PCDHGA7: variants seen among roughly 807,000 people sequenced by gnomAD.
PCDHGA7 encodes the protein protocadherin gamma subfamily A, 7, also known as protocadherin gamma-A7.
PCDHGA7 carries 44 observed loss-of-function variants against 58.3 expected under a neutral mutation model. The ratio of observed to expected loss-of-function variants is 0.75; its 90% CI spans 0.59 to 0.97. The LOEUF (loss-of-function observed/expected upper bound fraction) is 0.97, where lower values mean the gene tolerates loss of function less well. Among genes scored for constraint, PCDHGA7 ranks in the 50% least tolerant of loss-of-function variants. The pLI, the probability that PCDHGA7 is intolerant of heterozygous loss-of-function variation, is 0.00. For synonymous variants in PCDHGA7, 516 were observed against 504.2 expected, an observed-to-expected ratio of 1.02 and a Z score of -0.31; for missense variants, 1,266 against 1,188.7, an observed-to-expected ratio of 1.06 and a Z score of -0.96.
chr5:141,472,335 A>T (rs1033984936), intron 1 of PCDHGA7, among the ~76,000 whole-genome samples: 38 of 151,784 alleles, frequency 2.5e-4, no homozygotes, highest in Non-Finnish European at 2.5e-4. Context: ...AGGTTGGGAG[A>T]TCGAGACCAT....
intron 2 of PCDHGA7, among the ~76,000 whole-genome samples, chr5:141,502,496 C>T (rs934563545): frequency 2.0e-5 from 3 of 152,178 alleles, no homozygotes; most frequent in Admixed American, 6.5e-5. Context: ...ACTCATCTAA[C>T]GTCGGCCTGT....
rs2233610 is a variant in PCDHGA7, at chr5:141,505,535, G to A, written c.2572+54G>A. ...AGTGGGAGACCTGGGGTTCTGGGGT[G>A]CATCTCACAGCCACCATGCCCACGG... is the stretch of plus-strand genomic sequence containing the variant. On this transcript the variant is annotated intron_variant, in intron 3 of 3. Transcript: ENST00000518325. 12 of 1,610,344 alleles carry A rather than the reference G, an allele frequency of 7.5e-6. No individual in the cohort carries two copies. The East Asian group carries it at 1.8e-4, about 24-fold the overall frequency.
At chr5:141,462,980 G>T (rs1249102130) in intron 1 of PCDHGA7, among the ~76,000 whole-genome samples, 1 of 152,006 alleles carries the variant, frequency 6.6e-6, no homozygotes, top group Non-Finnish European at 1.5e-5. Flanking sequence ...AGTAACTTTT[G>T]CCTTGGGCTA....
intron 1 of PCDHGA7, chr5:141,424,584 C>T (rs919265310): frequency 3.9e-5 from 6 of 152,082 alleles, no homozygotes; most frequent in African/African-American, 1.4e-4. Flanking sequence ...TTCAAATGTG[C>T]TAAAGATGTC....
At position 141,384,804 on chromosome 5, in the gene PCDHGA7, A is replaced by C. The variant is rs1780531756; in HGVS notation, c.1905A>C (p.Arg635Ser). ...GCACGGCTCGGGCCCTGCTGGACAG[A>C]GATGCCCTCAAGCAGAGCCTCGTGG... ...EVRTARALLD[R>S]DALKQSLVVA... Residue 635 changes from arginine (R) to serine (S), a missense_variant, in exon 1 of 4, where the codon AGA (arginine) becomes AGC (serine). Transcript: ENST00000518325. 6.2e-7 allele frequency: 1 copy of C among 1,613,332 alleles called. No individual in the cohort carries two copies. The highest frequency in any genetic ancestry group is 8.5e-7 in the Non-Finnish European group (1 of 1,179,896).
At chr5:141,427,599 C>G (rs1233253295) in intron 1 of PCDHGA7, 1 of 682,980 alleles carries the variant, frequency 1.5e-6, no homozygotes, top group African/African-American at 1.8e-5. Flanking sequence ...CCTCACCCTA[C>G]GCATTGGTGA....
Position 141,490,760 on chromosome 5 carries a change from T to G in PCDHGA7, c.2425-4047T>G. 1 of 1,614,070 alleles carries G rather than the reference T, an allele frequency of 6.2e-7. No individual in the cohort carries two copies. On this transcript the variant is annotated intron_variant, in intron 1 of 3. Coordinates refer to ENST00000518325, the MANE Select transcript of PCDHGA7 (RefSeq NM_018920.4). This position sits in a 1 kb window ranked among gnomAD's most constrained non-coding sequence, Gnocchi z 5.4. Reference sequence around the variant, plus strand: ...CAGGGAGCCCCAGCCTCCTCCTTTGTGTATGTCAACCCAGAGGATGGACGG... The same window carrying G: ...CAGGGAGCCCCAGCCTCCTCCTTTGGGTATGTCAACCCAGAGGATGGACGG...
intron 1 of PCDHGA7, chr5:141,424,079 C>A: frequency 3.1e-6 from 3 of 973,190 alleles, no homozygotes; most frequent in African/African-American, 1.8e-5. Context: ...TAGTTATATT[C>A]CACCATTATT....
At chr5:141,393,377 AGC>A (rs1313389663) in intron 1 of PCDHGA7, 1 of 1,613,966 alleles carries the variant, frequency 6.2e-7, no homozygotes, top group Admixed American at 1.7e-5. Context: ...GAGACAATGG[AGC>A]CATAAACCCA....
intron 1 of PCDHGA7, among the ~76,000 whole-genome samples, chr5:141,452,271 C>A (rs1592214421): frequency 6.6e-6 from 1 of 152,108 alleles, no homozygotes. Flanking sequence ...TTTCTTGAAC[C>A]CTTTCTTACT....
At chr5:141,506,278 G>A (rs1001662623) in intron 3 of PCDHGA7, among the ~76,000 whole-genome samples, 1 of 152,090 alleles carries the variant, frequency 6.6e-6, no homozygotes. Flanking sequence ...GTGAAACCCT[G>A]TCTCTACTAA....
At chr5:141,483,333 C>G (rs566443186) in intron 1 of PCDHGA7, among the ~76,000 whole-genome samples, 1 of 152,096 alleles carries the variant, frequency 6.6e-6, no homozygotes, top group East Asian at 1.9e-4. Context: ...GCAAAGAGAT[C>G]TTATCTCTTT....
chr5:141,424,878 G>A (rs1455273258), intron 1 of PCDHGA7, among the ~76,000 whole-genome samples: 2 of 152,162 alleles, frequency 1.3e-5, no homozygotes, highest in African/African-American at 4.8e-5. Context: ...GAGGAAAGGA[G>A]ACTTATCTAG....
chr5:141,477,158 A>G lies in PCDHGA7; in HGVS notation c.2425-17649A>G, dbSNP rs1476516538. 1.2e-6 allele frequency: 2 copies of G among 1,614,154 alleles called. No individual in the cohort carries two copies. Among genetic ancestry groups the G allele is most frequent in the Non-Finnish European group, 1.7e-6 (2 of 1,180,018 alleles). ...GGTGGAGGTTGTGGATGTGAATGACAACGCCCCGGAGATCACAGTCACCTC... is the reference window on the plus strand; with the variant it reads ...GGTGGAGGTTGTGGATGTGAATGACGACGCCCCGGAGATCACAGTCACCTC... On this transcript the variant is annotated intron_variant, in intron 1 of 3. Coordinates refer to ENST00000518325, the MANE Select transcript of PCDHGA7 (RefSeq NM_018920.4). This position sits in a 1 kb window ranked among gnomAD's most constrained non-coding sequence, Gnocchi z 4.9.
chr5:141,414,850 C>T, intron 1 of PCDHGA7: 1 of 1,614,212 alleles, frequency 6.2e-7, no homozygotes, highest in Non-Finnish European at 8.5e-7. Flanking sequence ...TGTGCTGGAC[C>T]AGAACGACAA....
chr5:141,412,963 G>T, intron 1 of PCDHGA7: 1 of 518,228 alleles, frequency 1.9e-6, no homozygotes, highest in East Asian at 3.1e-5. Context: ...TCACCTACTA[G>T]GAGAGAAAAC....
At chr5:141,418,630 A>G in intron 1 of PCDHGA7, 1 of 1,614,046 alleles carries the variant, frequency 6.2e-7, no homozygotes, top group Non-Finnish European at 8.5e-7. Context: ...ACGTGCCTCC[A>G]GGCACCTCCA....
intron 1 of PCDHGA7, chr5:141,428,732 T>C (rs976924838): frequency 1.3e-5 from 2 of 159,284 alleles, no homozygotes; most frequent in African/African-American, 4.8e-5. Context: ...CTTAAACATA[T>C]TATATCTACT....
chr5:141,494,749 G>C (rs573811540), intron 1 of PCDHGA7, 58 bp from the exon 2 acceptor site: 3 of 1,612,818 alleles, frequency 1.9e-6, no homozygotes, highest in South Asian at 2.2e-5. Context: ...CTAGGGGCTC[G>C]GGTGACATTC....
Sources: allele counts gnomAD v4.1 joint callset (sites outside exome capture counted in the v4.1 genomes callset), GRCh38; gene constraint gnomAD v4.1.1; non-coding constraint Gnocchi (gnomAD v3.1); transcripts MANE v1.5; gene names NCBI Gene and HGNC (gene_info 2026-07-23, HGNC 2026-07-21).